SNTG1: variants seen among roughly 807,000 people sequenced by gnomAD.
SNTG1 encodes the protein gamma-1-syntrophin.
SNTG1 carries 39 observed loss-of-function variants against 74.7 expected under a neutral mutation model. The ratio of observed to expected loss-of-function variants is 0.52; its 90% CI spans 0.40 to 0.68. SNTG1 has a LOEUF of 0.68. SNTG1 is among the 30% of genes least tolerant of loss of function. The pLI, the probability that SNTG1 is intolerant of heterozygous loss-of-function variation, is 0.00. For missense variants in SNTG1, 685 were observed against 609.5 expected (o/e 1.12, Z -1.30); for synonymous variants, 254 against 217.1 (o/e 1.17, Z -1.49).
chr8:50,108,327 A>C (rs899606968), intron 1 of SNTG1, among the ~76,000 whole-genome samples: 4 of 152,194 alleles, frequency 2.6e-5, no homozygotes, highest in Admixed American at 2.0e-4. Context: ...GAGATATTAC[A>C]AAGTACAAGA....
intron 4 of SNTG1, among the ~76,000 whole-genome samples, chr8:50,431,525 G>C (rs2093236116): frequency 6.6e-6 from 1 of 152,086 alleles, no homozygotes; most frequent in African/African-American, 2.4e-5. Flanking sequence ...GCAGATTTTT[G>C]TATAAACATA....
intron 1 of SNTG1, among the ~76,000 whole-genome samples, chr8:49,970,481 AGTT>A (rs1404153888): frequency 1.3e-5 from 2 of 152,196 alleles, no homozygotes; most frequent in African/African-American, 4.8e-5. Context: ...GGACTAATGC[AGTT>A]GTTTTAGATT....
chr8:50,032,897 A>C (rs1314025877), intron 1 of SNTG1, among the ~76,000 whole-genome samples: 3 of 152,120 alleles, frequency 2.0e-5, no homozygotes, highest in Admixed American at 6.5e-5. Flanking sequence ...TAAACTCACA[A>C]TAATCTGGTC....
chr8:50,533,876 T>C (rs563781695), intron 10 of SNTG1, among the ~76,000 whole-genome samples: 2 of 152,320 alleles, frequency 1.3e-5, no homozygotes, highest in African/African-American at 2.4e-5. Flanking sequence ...ATGAAGTGTA[T>C]TGATAAGATT....
chr8:50,738,941 A>T (rs1215782890), intron 17 of SNTG1, among the ~76,000 whole-genome samples: 1 of 152,188 alleles, frequency 6.6e-6, no homozygotes, highest in Non-Finnish European at 1.5e-5. Context: ...TAAACATAAG[A>T]CGTAAAACCA....
rs1375773367 is a variant in SNTG1 at position 49,911,414 on chromosome 8, G to A, written c.-920G>A. 6.6e-6 allele frequency: 1 copy of A among 151,770 alleles called. No individual in the cohort carries two copies. Among genetic ancestry groups the A allele is most frequent in the Non-Finnish European group, 1.5e-5 (1 of 67,990 alleles). 9.4% of individuals were successfully genotyped at this position (151,770 alleles called of 1,614,324 possible). A position where few individuals can be genotyped will look rare whatever the true frequency, so the allele number is the denominator to read the frequency against. ...GTGCGTGCGTTTTCTTTCATTTCTG[G>A]CATTAGGAAACTCGTGCAGGGCCAC... On this transcript the variant is annotated 5_prime_UTR_variant, in exon 1 of 19. Transcript: ENST00000642720.
chr8:50,288,128 A>G (rs945956592), intron 2 of SNTG1, among the ~76,000 whole-genome samples: 1 of 152,172 alleles, frequency 6.6e-6, no homozygotes, highest in Non-Finnish European at 1.5e-5. Context: ...CCTGCTCCAT[A>G]CATTAGTACA....
At chr8:50,150,057 T>C (rs898580766) in intron 1 of SNTG1, among the ~76,000 whole-genome samples, 2 of 150,676 alleles carry the variant, frequency 1.3e-5, no homozygotes, top group Non-Finnish European at 2.9e-5. Context: ...GTTTGTATCC[T>C]CTTTTTTTCA....
At chr8:50,408,689 T>C (rs1320623766) in intron 4 of SNTG1, among the ~76,000 whole-genome samples, 1 of 152,166 alleles carries the variant, frequency 6.6e-6, no homozygotes, top group Non-Finnish European at 1.5e-5. Context: ...AGGCAAAATG[T>C]TGGTATCTGA....
At chr8:50,369,326 G>A (rs898968232) in intron 2 of SNTG1, among the ~76,000 whole-genome samples, 1 of 152,212 alleles carries the variant, frequency 6.6e-6, no homozygotes, top group Non-Finnish European at 1.5e-5. Context: ...GCTGGGCACG[G>A]TGGCTAACGC....
chr8:49,918,599 A>G (rs1328771626), intron 1 of SNTG1, among the ~76,000 whole-genome samples: 2 of 143,770 alleles, frequency 1.4e-5, no homozygotes, highest in African/African-American at 5.3e-5. Flanking sequence ...TGGATTTCAC[A>G]AATTGGAGGC....
chr8:50,290,724 A>C (rs1030457098), intron 2 of SNTG1, among the ~76,000 whole-genome samples: 1 of 152,106 alleles, frequency 6.6e-6, no homozygotes, highest in Non-Finnish European at 1.5e-5. Context: ...TACTCATTTA[A>C]ACATTTTTAA....
intron 12 of SNTG1, among the ~76,000 whole-genome samples, chr8:50,587,074 G>A (rs909876501): frequency 5.9e-5 from 9 of 151,702 alleles, no homozygotes; most frequent in Admixed American, 2.0e-4. Context: ...TTCGGTTCAC[G>A]CTTACAGACA....
intron 1 of SNTG1, among the ~76,000 whole-genome samples, chr8:49,924,316 C>T (rs1036895409): frequency 1.3e-5 from 2 of 152,122 alleles, no homozygotes; most frequent in African/African-American, 4.8e-5. Flanking sequence ...AATCTGTGTT[C>T]AACACTTGCT....
intron 12 of SNTG1, among the ~76,000 whole-genome samples, chr8:50,574,821 G>T (rs192833104): frequency 2.0e-5 from 3 of 152,128 alleles, no homozygotes; most frequent in Non-Finnish European, 1.5e-5. Flanking sequence ...TGAAAACATT[G>T]CTGACTATTT....
intron 13 of SNTG1, among the ~76,000 whole-genome samples, chr8:50,615,143 G>A (rs1271486105): frequency 6.6e-6 from 1 of 151,886 alleles, no homozygotes; most frequent in Admixed American, 6.6e-5. Context: ...TGTATTTTTA[G>A]TAGAGACGGG....
chr8:50,212,410 G>A (rs928209283), intron 2 of SNTG1, among the ~76,000 whole-genome samples: 1 of 152,056 alleles, frequency 6.6e-6, no homozygotes, highest in Non-Finnish European at 1.5e-5. Flanking sequence ...TTGAGTTTAG[G>A]GTTGAGATGC....
At chr8:50,785,725 A>G (rs1157205981) in intron 18 of SNTG1, among the ~76,000 whole-genome samples, 3 of 151,200 alleles carry the variant, frequency 2.0e-5, no homozygotes, top group African/African-American at 7.3e-5. Flanking sequence ...AGAAAGCCAT[A>G]GACCAGTATC....
intron 1 of SNTG1, among the ~76,000 whole-genome samples, chr8:50,092,784 C>G (rs967472583): frequency 2.0e-5 from 3 of 152,132 alleles, no homozygotes; most frequent in Non-Finnish European, 4.4e-5. Context: ...CACTGACAAA[C>G]AGTTTTAATA....
Sources: gnomAD v4.1 joint callset for allele counts (sites outside exome capture counted in the v4.1 genomes callset) on GRCh38, gnomAD v4.1.1 for gene constraint, MANE v1.5 for transcripts, NCBI Gene and HGNC (gene_info 2026-07-23, HGNC 2026-07-21) for gene names.